The following ALG5 variants were observed in gnomAD, a reference collection of about 807,000 sequenced individuals.
ALG5 encodes dolichyl-phosphate beta-glucosyltransferase.
A neutral mutation model predicts 51.8 loss-of-function variants in ALG5; 26 were observed. That is an observed-to-expected ratio of 0.50 (90% confidence interval 0.37 to 0.70). The LOEUF is 0.70. Ranked by LOEUF, ALG5 falls within the 30% of genes least tolerant of loss-of-function variation. The pLI, the probability that ALG5 is intolerant of heterozygous loss-of-function variation, is 0.00. For missense variants in ALG5, 311 were observed against 399.3 expected, an observed-to-expected ratio of 0.78 and a Z score of 1.88; for synonymous variants, 141 against 136.1, an observed-to-expected ratio of 1.04 and a Z score of -0.25.
intron 6 of ALG5, among the ~76,000 whole-genome samples, chr13:36,976,470 G>C (rs972281187): frequency 1.3e-5 from 2 of 150,238 alleles, no homozygotes; most frequent in African/African-American, 4.9e-5. Flanking sequence ...TTTCTTAGCT[G>C]GGCACGGTGG....
chr13:36,965,855 G>A, intron 7 of ALG5, 129 bp from the exon 8 acceptor site: 1 of 735,936 alleles, frequency 1.4e-6, no homozygotes, highest in Admixed American at 3.0e-5. Flanking sequence ...GAACACCACT[G>A]TTCCATGAGC....
chr13:36,993,566 T>G, intron 4 of ALG5, 38 bp downstream of exon 4: 3 of 1,560,354 alleles, frequency 1.9e-6, no homozygotes, highest in Non-Finnish European at 2.6e-6. Context: ...ATTCTCTATT[T>G]TCTAACTATT....
In ALG5 at chr13:36,955,591, A is replaced by C. The variant is rs549571449; in HGVS notation, c.774-2992T>G. On this transcript the variant is annotated intron_variant, in intron 8 of 9. Coordinates refer to ENST00000239891, the MANE Select transcript of ALG5 (RefSeq NM_013338.5). ...AAAATTGAGGAAATCTCAAAAGATC[A>C]AAACTAGAAAAGAAGAGAGAAGATA... Among the ~76,000 whole-genome samples the C allele has an allele frequency of 6.6e-5, 10 of 151,928 alleles. No individual in the cohort carries two copies. The South Asian group carries it at 1.9e-3, about 28-fold the overall frequency.
At chr13:36,951,945 C>T (rs975784616) in intron 9 of ALG5, among the ~76,000 whole-genome samples, 6 of 152,154 alleles carry the variant, frequency 3.9e-5, no homozygotes, top group Non-Finnish European at 5.9e-5. Context: ...ACACCACGCC[C>T]GGCCATCTTT....
intron 4 of ALG5, among the ~76,000 whole-genome samples, chr13:36,993,271 C>T (rs967872077): frequency 2.6e-5 from 4 of 152,180 alleles, no homozygotes; most frequent in Non-Finnish European, 5.9e-5. Context: ...GGCGTGACTG[C>T]TTTAGAAATT....
At chr13:36,968,289 T>G (rs565039977) in intron 7 of ALG5, among the ~76,000 whole-genome samples, 11 of 152,330 alleles carry the variant, frequency 7.2e-5, no homozygotes, top group African/African-American at 2.6e-4. Context: ...TTAACGCTAG[T>G]ATCTTCAATG....
intron 6 of ALG5, among the ~76,000 whole-genome samples, chr13:36,982,068 A>G (rs1380980852): frequency 6.6e-6 from 1 of 152,200 alleles, no homozygotes; most frequent in African/African-American, 2.4e-5. Flanking sequence ...TCCAGCCTGG[A>G]TGACAAAGCG....
intron 6 of ALG5, among the ~76,000 whole-genome samples, chr13:36,975,983 A>C (rs1431655410): frequency 1.3e-5 from 2 of 151,958 alleles, no homozygotes; most frequent in South Asian, 2.1e-4. Context: ...CAAAAAAAAA[A>C]AAACAAAACA....
At chr13:36,965,486 T>C (rs2058888770) in intron 8 of ALG5, 89 bp downstream of exon 8, 1 of 1,325,960 alleles carries the variant, frequency 7.5e-7, no homozygotes, top group African/African-American at 1.5e-5. Flanking sequence ...AATCTACATG[T>C]TCATTATAAA....
At position 36,949,825 on chromosome 13, in the gene ALG5, T is replaced by G; in HGVS notation, c.*117A>C. 7.7e-6 allele frequency: 4 copies of G among 517,126 alleles called. No homozygotes were observed. The highest frequency in any genetic ancestry group is 3.8e-5 in the Admixed American group (1 of 26,156). The allele number at this position is 517,126 out of a possible 1,614,324, so 32.0% of individuals were successfully genotyped here. Reference sequence around the variant, plus strand: ...CTTATGGAAAGTTATTTCTTTAAAATTATCAAAAGGCAGACAATGACAAGA... The same window carrying G: ...CTTATGGAAAGTTATTTCTTTAAAAGTATCAAAAGGCAGACAATGACAAGA... On this transcript the variant is annotated 3_prime_UTR_variant, in exon 10 of 10. Transcript: ENST00000239891.
chr13:36,987,511 G>A (rs2059007340), intron 5 of ALG5, among the ~76,000 whole-genome samples: 2 of 152,156 alleles, frequency 1.3e-5, no homozygotes, highest in Non-Finnish European at 2.9e-5. Context: ...GCACCACCGT[G>A]CCCGCTAACT....
At chr13:36,988,688 GTGA>G (rs749583759) in intron 5 of ALG5, among the ~76,000 whole-genome samples, 8 of 151,840 alleles carry the variant, frequency 5.3e-5, no homozygotes, top group Non-Finnish European at 1.0e-4. Flanking sequence ...AGGGCAACAT[GTGA>G]TGATTTGTAT....
At chr13:36,950,154 T>C (rs917658862) in intron 9 of ALG5, 97 bp from the exon 10 acceptor site, 3 of 639,148 alleles carry the variant, frequency 4.7e-6, no homozygotes, top group Admixed American at 6.9e-5. Flanking sequence ...TGTGAGCCTT[T>C]AGCACCTTAA....
At chr13:36,982,740 CA>C (rs1242152983) in intron 6 of ALG5, among the ~76,000 whole-genome samples, 1 of 152,110 alleles carries the variant, frequency 6.6e-6, no homozygotes, top group African/African-American at 2.4e-5. Flanking sequence ...TGGGTGGATC[CA>C]AAAACTATGA....
intron 5 of ALG5, among the ~76,000 whole-genome samples, chr13:36,988,209 C>T (rs1009905008): frequency 1.3e-5 from 2 of 152,188 alleles, no homozygotes; most frequent in African/African-American, 4.8e-5. Context: ...ATTTACAACA[C>T]TGTATGGCAA....
chr13:36,961,515 T>C (rs375347715), intron 8 of ALG5, among the ~76,000 whole-genome samples: 12 of 152,206 alleles, frequency 7.9e-5, no homozygotes, highest in African/African-American at 2.7e-4. Context: ...GCATAGGTTA[T>C]ATGCAAAGAG....
intron 6 of ALG5, among the ~76,000 whole-genome samples, chr13:36,976,382 C>A (rs558678730): frequency 7.3e-6 from 1 of 136,430 alleles, no homozygotes; most frequent in South Asian, 2.3e-4. Context: ...GACAAGATTG[C>A]GCCATTGCAC....
At chr13:36,986,567 C>T (rs2138820527) in intron 5 of ALG5, among the ~76,000 whole-genome samples, 2 of 152,220 alleles carry the variant, frequency 1.3e-5, no homozygotes, top group South Asian at 4.1e-4. Context: ...ATCATTTATT[C>T]TATGGTATAA....
At chr13:36,993,708 A>G (rs199511507) in intron 3 of ALG5, 36 bp from the exon 4 acceptor site, 12 of 1,543,284 alleles carry the variant, frequency 7.8e-6, no homozygotes, top group Middle Eastern at 2.1e-4. Context: ...ACAATTTGGC[A>G]TAACTGCCAT....
Sources: gnomAD v4.1 joint callset for allele counts (sites outside exome capture counted in the v4.1 genomes callset) on GRCh38, gnomAD v4.1.1 for gene constraint, MANE v1.5 for transcripts, NCBI Gene and HGNC (gene_info 2026-07-23, HGNC 2026-07-21) for gene names.